The following SLC19A1 variants were observed in gnomAD, a reference collection of about 807,000 sequenced individuals.
SLC19A1 encodes reduced folate transporter.
SLC19A1 carries 37 observed loss-of-function variants against 35.3 expected under a neutral mutation model. That is an observed-to-expected ratio of 1.05 (90% CI 0.81 to 1.38). SLC19A1 has a LOEUF of 1.38. Among genes scored for constraint, SLC19A1 ranks in the 40% most tolerant of loss-of-function variants. SLC19A1 has a pLI of 0.00. For synonymous variants in SLC19A1, 460 were observed against 398.5 expected, an observed-to-expected ratio of 1.15 and a Z score of -1.84; for missense variants, 831 against 826.9, an observed-to-expected ratio of 1.00 and a Z score of -0.06.
chr21:45,516,038 GC>G lies in SLC19A1; in HGVS notation c.1395del (p.Gln466SerfsTer7), dbSNP rs781481917. 5 of 1,580,894 alleles carry G rather than the reference GC, an allele frequency of 3.2e-6. No individual in the cohort carries two copies. Among genetic ancestry groups the G allele is most frequent in the Non-Finnish European group, 4.3e-6 (5 of 1,165,186 alleles). On this transcript the variant is annotated frameshift_variant, in exon 6 of 6. Coordinates refer to ENST00000311124, the MANE Select transcript of SLC19A1 (RefSeq NM_194255.4). LOFTEE classifies it low-confidence loss of function (END_TRUNC). ...LRHCQRGHHP[R>X]QPPAQGLRSA... ...CTCCTCAGGCCCTGGGCCGGGGGCT[GC>G]CGCGGGTGGTGGCCCCGCTGGCAGT...
intron 1 of SLC19A1, among the ~76,000 whole-genome samples, chr21:45,561,207 C>T (rs191450118): frequency 4.9e-4 from 75 of 152,230 alleles, no homozygotes; most frequent in Middle Eastern, 3.4e-3. Flanking sequence ...ACAAGCACAA[C>T]CAAAGTAAAA....
At chr21:45,505,065 C>T (rs1403862772) in intron 3 of SLC19A1, 7 of 1,568,226 alleles carry the variant, frequency 4.5e-6, no homozygotes, top group Admixed American at 3.6e-5. Flanking sequence ...AGCTGCAGCC[C>T]CACAAGCTTG....
At chr21:45,548,084 G>A (rs929820122), upstream of SLC19A1, among the ~76,000 whole-genome samples, 1 of 152,212 alleles carries the variant, frequency 6.6e-6, no homozygotes, top group African/African-American at 2.4e-5. Flanking sequence ...TGGAGACCAA[G>A]GGAAGCTGGT....
rs757827256 is a variant in SLC19A1 at position 45,532,047 on chromosome 21, C to T, written c.291G>A (p.Leu97=). 159 of 1,612,464 alleles carry T rather than the reference C, an allele frequency of 9.9e-5. 2 individuals carry two copies. The East Asian group carries it at 3.4e-3, about 34-fold the overall frequency. The part of the protein sequence containing the change: ...TDYLRYTPVL[L]LQGLSFVSVW... ...CCGACACGAAGCTGAGCCCCTGCAG[C>T]AGCAGCACCGGCGTGTAGCGCAGGT... Residue 97 remains leucine, a synonymous_variant, in exon 3 of 6, where the codon CTG becomes CTA. Coordinates refer to ENST00000311124, the MANE Select transcript of SLC19A1 (RefSeq NM_194255.4).
chr21:45,537,296 T>A (rs1333247820), intron 2 of SLC19A1, among the ~76,000 whole-genome samples: 2 of 152,092 alleles, frequency 1.3e-5, no homozygotes, highest in Admixed American at 6.5e-5. Flanking sequence ...CCCAGCCGGG[T>A]TCCCTCCAGG....
chr21:45,538,719 CCT>C lies in SLC19A1; in HGVS notation c.-49-713_-49-712del, dbSNP rs141627073. Among the ~76,000 whole-genome samples the C allele has an allele frequency of 8.8e-3, 1,334 of 152,258 alleles. 42 individuals carry two copies. Among genetic ancestry groups the C allele is most frequent in the Admixed American group, 0.053 (817 of 15,304 alleles). On this transcript the variant is annotated intron_variant, in intron 1 of 5. Transcript: ENST00000311124. ...GATGGGATGGAGCCGAGGCCCAGCC[CCT>C]GAGCCCAGGGACCCCAGCATCCCCG...
chr21:45,512,004 G>T (rs1300825396), downstream of SLC19A1, among the ~76,000 whole-genome samples: 2 of 152,182 alleles, frequency 1.3e-5, no homozygotes. Flanking sequence ...CAGTCTGGGA[G>T]ATGCAGCCCC....
chr21:45,530,610 G>A lies in SLC19A1; in HGVS notation c.1151+160C>T, dbSNP rs559420269. Among the ~76,000 whole-genome samples, 7 of 152,278 alleles carry A rather than the reference G, an allele frequency of 4.6e-5. No homozygotes were observed. The highest frequency in any genetic ancestry group is 7.4e-5 in the Non-Finnish European group (5 of 67,982). On this transcript the variant is annotated intron_variant, in intron 4 of 5. Transcript: ENST00000311124. The surrounding 1 kb of genome is among the most constrained non-coding windows in gnomAD (Gnocchi z 5.3). ...ACAGGAAGGGACGCCCGAGGTCCCA[G>A]GGAGAGGCAAGTGGGGACCCTGGTC...
At position 45,503,432 on chromosome 21, in the gene SLC19A1, T is replaced by C. The variant is rs113349805; in HGVS notation, c.498-4820A>G. Among the ~76,000 whole-genome samples the C allele has an allele frequency of 1.8e-3, 276 of 152,218 alleles. 2 individuals carry two copies. Among genetic ancestry groups the C allele is most frequent in the African/African-American group, 6.2e-3 (259 of 41,520 alleles). ...TTGATGGGGTTGTTTGTGGCACATA[T>C]ACACCATGGAATACTACGCAGCCAT... On this transcript the variant is annotated intron_variant, in intron 3 of 4. Transcript: ENST00000417954.
At chr21:45,504,574 C>G in intron 3 of SLC19A1, 1 of 1,561,310 alleles carries the variant, frequency 6.4e-7, no homozygotes, top group Non-Finnish European at 8.7e-7. Context: ...CCAGCCTGTG[C>G]AGGCAGAGCC....
At chr21:45,558,225 C>A (rs973050364) in intron 1 of SLC19A1, among the ~76,000 whole-genome samples, 3 of 152,360 alleles carry the variant, frequency 2.0e-5, no homozygotes, top group Non-Finnish European at 4.4e-5. Flanking sequence ...AAGTGCATGA[C>A]ACCCACCATC....
chr21:45,522,500 T>C (rs1469741417), intron 5 of SLC19A1, among the ~76,000 whole-genome samples: 1 of 152,138 alleles, frequency 6.6e-6, no homozygotes, highest in Non-Finnish European at 1.5e-5. Flanking sequence ...TGGGCGTCTG[T>C]CCCAGGGAAA....
At position 45,521,937 on chromosome 21, in the gene SLC19A1, C is replaced by CT. The variant is rs1185289875; in HGVS notation, c.1293+3879dup. On this transcript the variant is annotated intron_variant, in intron 5 of 5. Coordinates refer to ENST00000311124, the MANE Select transcript of SLC19A1 (RefSeq NM_194255.4). ...TGAGGAAAATCTTCTGAATTTAGGG[C>CT]TAGGCAAAGAGTTTCCATAAAAGGA... Among the ~76,000 whole-genome samples, 3 of 151,956 alleles carry CT rather than the reference C, an allele frequency of 2.0e-5. No individual in the cohort carries two copies. In the East Asian group the frequency reaches 5.8e-4, roughly 29 times the overall value.
Position 45,533,327 on chromosome 21 carries a change from G to A in SLC19A1, c.190-1179C>T, listed in dbSNP as rs915850598. Among the ~76,000 whole-genome samples, 2 of 152,192 alleles carry A rather than the reference G, an allele frequency of 1.3e-5. No homozygotes were observed. The highest frequency in any genetic ancestry group is 2.9e-5 in the Non-Finnish European group (2 of 68,016). On this transcript the variant is annotated intron_variant, in intron 2 of 5. Transcript: ENST00000311124. The surrounding 1 kb of genome is among the most constrained non-coding windows in gnomAD (Gnocchi z 4.5). ...GGGGTGCTACCTCCTACAGGACAAGGTCAGAGGACACTGCCCCAGACTACT... is the reference window on the plus strand; with the variant it reads ...GGGGTGCTACCTCCTACAGGACAAGATCAGAGGACACTGCCCCAGACTACT...
At chr21:45,547,666 G>A (rs971969788), upstream of SLC19A1, among the ~76,000 whole-genome samples, 10 of 152,148 alleles carry the variant, frequency 6.6e-5, no homozygotes, top group African/African-American at 2.4e-4. Context: ...CCACCAGGTT[G>A]TCCCACCTTT....
chr21:45,536,863 G>A (rs1042658743), intron 2 of SLC19A1, among the ~76,000 whole-genome samples: 1 of 152,120 alleles, frequency 6.6e-6, no homozygotes, highest in African/African-American at 2.4e-5. Flanking sequence ...CTGTGAGAGC[G>A]CTTTTCCAGG....
chr21:45,510,920 A>T (rs1478491701), downstream of SLC19A1, among the ~76,000 whole-genome samples: 6 of 150,420 alleles, frequency 4.0e-5, no homozygotes, highest in African/African-American at 1.5e-4. Flanking sequence ...GGGGCTGCAG[A>T]ACCCCACCCC....
chr21:45,551,023 C>G (rs1457906992), intron 1 of SLC19A1, among the ~76,000 whole-genome samples: 1 of 151,180 alleles, frequency 6.6e-6, no homozygotes, highest in Non-Finnish European at 1.5e-5. Flanking sequence ...TCTACCTTCC[C>G]CCTTGTCTTA....
intron 1 of SLC19A1, among the ~76,000 whole-genome samples, chr21:45,553,493 C>G (rs1602948408): frequency 2.0e-5 from 3 of 151,806 alleles, no homozygotes; most frequent in Admixed American, 6.6e-5. Flanking sequence ...ACCATGTTAA[C>G]TATTTTTAAC....
Sources: allele counts gnomAD v4.1 joint callset (sites outside exome capture counted in the v4.1 genomes callset), GRCh38; gene constraint gnomAD v4.1.1; non-coding constraint Gnocchi (gnomAD v3.1); transcripts MANE v1.5; gene names NCBI Gene and HGNC (gene_info 2026-07-23, HGNC 2026-07-21).